PCDHGA2: variants seen among roughly 807,000 people sequenced by gnomAD.
PCDHGA2 encodes the protein protocadherin gamma subfamily A, 2.
Under a neutral mutation model 59.2 loss-of-function variants are expected in PCDHGA2, and 40 were observed. The observed-to-expected ratio is 0.68, with a 90% CI of 0.52 to 0.88. The LOEUF is 0.88. Among genes scored for constraint, PCDHGA2 ranks in the 40% least tolerant of loss-of-function variants. The pLI is 0.00. For synonymous variants in PCDHGA2, 560 were observed against 526.0 expected (o/e 1.06, Z -0.89); for missense variants, 1,226 against 1,204.0 (o/e 1.02, Z -0.27).
chr5:141,475,928 G>A, intron 1 of PCDHGA2: 1 of 630,590 alleles, frequency 1.6e-6, no homozygotes, highest in Non-Finnish European at 2.7e-6. Context: ...TGGAGATCGG[G>A]CCCCTGCCCG....
rs914988246 is a variant in PCDHGA2 at position 141,339,841 on chromosome 5, G to A, written c.870G>A (p.Glu290=). 2.7e-5 allele frequency: 43 copies of A among 1,614,016 alleles called. No homozygotes were observed. In the East Asian group the frequency reaches 9.6e-4, roughly 36 times the overall value. Residue 290 remains glutamate (E), a synonymous_variant, in exon 1 of 4, where the codon GAG becomes GAA. Transcript: ENST00000394576. ...FLEKSPGETS[E]VFELKSTSGE... ...AGAAAAGCCCTGGAGAAACCTCAGA[G>A]GTATTTGAGCTTAAGTCAACATCTG... is the stretch of plus-strand genomic sequence containing the variant.
Position 141,410,082 on chromosome 5 carries a change from G to A in PCDHGA2, c.2424+68687G>A, listed in dbSNP as rs780485949. 1.6e-5 allele frequency: 25 copies of A among 1,612,386 alleles called. No individual in the cohort carries two copies. The Admixed American group carries it at 3.8e-4, about 25-fold the overall frequency. On this transcript the variant is annotated intron_variant, in intron 1 of 3. Transcript: ENST00000394576. ...CTGGGGCTGCGCACTGGGGAGGTGC[G>A]CACGGCTCGAGCCTTAGGCGACAGG... is the stretch of plus-strand genomic sequence containing the variant.
chr5:141,373,575 A>C (rs1769694796), intron 1 of PCDHGA2, among the ~76,000 whole-genome samples: 1 of 152,236 alleles, frequency 6.6e-6, no homozygotes, highest in African/African-American at 2.4e-5. Flanking sequence ...GACTAGCATA[A>C]ATGGTGGTGA....
chr5:141,490,322 A>C lies in PCDHGA2; in HGVS notation c.2425-4485A>C. ...GCCTCTTTGGCCAACCCTGTCCTAGAGAGCACACCAGTGGGCACAGTAGTG... is the reference window on the plus strand; with the variant it reads ...GCCTCTTTGGCCAACCCTGTCCTAGCGAGCACACCAGTGGGCACAGTAGTG... On this transcript the variant is annotated intron_variant, in intron 1 of 3. Coordinates refer to ENST00000394576, the MANE Select transcript of PCDHGA2 (RefSeq NM_018915.4). This position sits in a 1 kb window ranked among gnomAD's most constrained non-coding sequence, Gnocchi z 5.4. The C allele has an allele frequency of 6.2e-7, 1 of 1,614,232 alleles. No individual in the cohort carries two copies. Among genetic ancestry groups the C allele is most frequent in the Non-Finnish European group, 8.5e-7 (1 of 1,180,038 alleles).
Position 141,477,071 on chromosome 5 carries a change from G to T in PCDHGA2, c.2425-17736G>T. 6.2e-7 allele frequency: 1 copy of T among 1,614,226 alleles called. No individual in the cohort carries two copies. The highest frequency in any genetic ancestry group is 8.5e-7 in the Non-Finnish European group (1 of 1,180,030). ...GGACTTCGAGGACACCAAACTCCAT[G>T]AGATTTACATCCAGGCCAAAGACAA... is the stretch of plus-strand genomic sequence containing the variant. On this transcript the variant is annotated intron_variant, in intron 1 of 3. Coordinates refer to ENST00000394576, the MANE Select transcript of PCDHGA2 (RefSeq NM_018915.4). This position sits in a 1 kb window ranked among gnomAD's most constrained non-coding sequence, Gnocchi z 4.9.
At chr5:141,506,865 G>T (rs1403350484) in intron 3 of PCDHGA2, among the ~76,000 whole-genome samples, 1 of 152,186 alleles carries the variant, frequency 6.6e-6, no homozygotes, top group African/African-American at 2.4e-5. Flanking sequence ...GGACTGGTGG[G>T]TAGAGAACCA....
At chr5:141,359,517 G>A (rs1030061607) in intron 1 of PCDHGA2, among the ~76,000 whole-genome samples, 1 of 149,356 alleles carries the variant, frequency 6.7e-6, no homozygotes, top group Non-Finnish European at 1.5e-5. Flanking sequence ...TATATTATGG[G>A]CCACTAGATA....
At chr5:141,472,369 G>A (rs1194465676) in intron 1 of PCDHGA2, among the ~76,000 whole-genome samples, 2 of 151,770 alleles carry the variant, frequency 1.3e-5, no homozygotes, top group Admixed American at 6.6e-5. Flanking sequence ...GTGAAACCCC[G>A]TCTCCACTAA....
intron 1 of PCDHGA2, chr5:141,355,579 A>C: frequency 6.2e-7 from 1 of 1,614,014 alleles, no homozygotes. Context: ...AATCGATGTT[A>C]ATGATAACCC....
chr5:141,389,410 GCGGGGTGGTGTTCGCGCAGCGCGC>G, intron 1 of PCDHGA2: 1 of 1,613,600 alleles, frequency 6.2e-7, no homozygotes, highest in Non-Finnish European at 8.5e-7. Context: ...AGCGCGGAGA[GCGGGGTGGTGTTCGCGCAGCGCGC>G]CTTCGACCAC....
rs757702817 is a variant in PCDHGA2 at position 141,341,347 on chromosome 5, A to G, written c.2376A>G (p.Ser792=). Residue 792 remains serine (S), a synonymous_variant, in exon 1 of 4, where the codon TCA becomes TCG. Transcript: ENST00000394576. ...GCTGTGAGAAAAAGGATTTTTTATC[A>G]GCGCCTCAATCTCTACTCGAAGAAG... ...QESCEKKDFL[S]APQSLLEEER... The G allele has an allele frequency of 5.6e-6, 9 of 1,614,248 alleles. No individual in the cohort carries two copies. The highest frequency in any genetic ancestry group is 6.8e-6 in the Non-Finnish European group (8 of 1,180,044).
chr5:141,386,729 G>A (rs2090690425), intron 1 of PCDHGA2, among the ~76,000 whole-genome samples: 1 of 152,182 alleles, frequency 6.6e-6, no homozygotes, highest in South Asian at 2.1e-4. Context: ...CAATGTTACT[G>A]AGGGAAGATC....
chr5:141,413,815 C>T (rs1357769705), intron 1 of PCDHGA2: 11 of 1,613,224 alleles, frequency 6.8e-6, no homozygotes, highest in Non-Finnish European at 8.5e-6. Flanking sequence ...CATTCACCAC[C>T]TGGTCCTCAC....
chr5:141,360,083 AT>A (rs1761415587), intron 1 of PCDHGA2: 2 of 1,491,458 alleles, frequency 1.3e-6, no homozygotes, highest in Non-Finnish European at 8.9e-7. Flanking sequence ...GGATTCTGCC[AT>A]CCCCGGAAGG....
At chr5:141,364,591 G>T (rs754833725) in intron 1 of PCDHGA2, 3 of 1,614,194 alleles carry the variant, frequency 1.9e-6, no homozygotes, top group South Asian at 1.1e-5. Context: ...TGGTCACCGC[G>T]GGCAGGATAG....
chr5:141,399,314 A>G, intron 1 of PCDHGA2: 1 of 1,613,988 alleles, frequency 6.2e-7, no homozygotes, highest in African/African-American at 1.3e-5. Flanking sequence ...TCATCCAAAA[A>G]TTCGTATAAG....
At chr5:141,364,881 G>A (rs1274418788) in intron 1 of PCDHGA2, 2 of 1,613,898 alleles carry the variant, frequency 1.2e-6, no homozygotes, top group Admixed American at 1.7e-5. Context: ...GATGTGGTAA[G>A]CGGAACTGAT....
chr5:141,423,816 T>C lies in PCDHGA2; in HGVS notation c.2425-70991T>C, dbSNP rs1205974775. ...TTAGAGCAATACATGTGAGTTTTACTTTGCCTTTCATGAGATTACGATAAT... is the reference window on the plus strand; with the variant it reads ...TTAGAGCAATACATGTGAGTTTTACCTTGCCTTTCATGAGATTACGATAAT... On this transcript the variant is annotated intron_variant, in intron 1 of 3. Transcript: ENST00000394576. 3 of 1,273,904 alleles carry C rather than the reference T, an allele frequency of 2.4e-6. No individual in the cohort carries two copies. The African/African-American group carries it at 4.7e-5, about 20-fold the overall frequency. 78.9% of individuals were successfully genotyped at this position (1,273,904 alleles called of 1,614,324 possible).
intron 1 of PCDHGA2, chr5:141,422,047 A>G: frequency 6.2e-7 from 1 of 1,611,610 alleles, no homozygotes; most frequent in Non-Finnish European, 8.5e-7. Context: ...AGACGAGGGA[A>G]TCAACGGGGA....
Sources: allele counts gnomAD v4.1 joint callset (sites outside exome capture counted in the v4.1 genomes callset), GRCh38; gene constraint gnomAD v4.1.1; non-coding constraint Gnocchi (gnomAD v3.1); transcripts MANE v1.5; gene names NCBI Gene and HGNC (gene_info 2026-07-23, HGNC 2026-07-21).